Variants in ABCC6 observed in about 807,000 individuals in gnomAD.
ABCC6 encodes ATP-binding cassette sub-family C member 6.
In ABCC6, 126 loss-of-function variants were observed where a neutral mutation model predicts 169.5. That is an observed-to-expected ratio of 0.74 (90% CI 0.64 to 0.86). The LOEUF is 0.86. Ranked by LOEUF, ABCC6 falls within the 40% of genes least tolerant of loss-of-function variation. ABCC6 has a pLI of 0.00. For synonymous variants in ABCC6, 752 were observed against 814.7 expected, an observed-to-expected ratio of 0.92 and a Z score of 1.31; for missense variants, 1,733 against 1,927.2, an observed-to-expected ratio of 0.90 and a Z score of 1.89.
rs1447647728 is a variant in ABCC6 at position 16,169,820 on chromosome 16, C to T, written c.2821G>A (p.Ala941Thr). ...TAGAGGCAGAGGGGGGTGCCCACGG[C>T]ACGCAGGTAGGCCAGGTGCACTGTG... ...KATVHLAYLR[A>T]VGTPLCLYAL... is the part of the protein sequence containing the mutation. The change falls in exon 22 of 31, where the codon GCC becomes ACC. Residue 941 changes from alanine to threonine, a missense_variant. Around this residue, in one of 5 missense-constraint regions of ABCC6, gnomAD observed 1,601 missense variants for 1,635.5 expected, o/e 0.98. Transcript: ENST00000205557. 1.6e-5 allele frequency: 25 copies of T among 1,561,410 alleles called. No individual in the cohort carries two copies. Among genetic ancestry groups the T allele is most frequent in the Non-Finnish European group, 1.9e-5 (22 of 1,153,062 alleles).
chr16:16,205,585 G>A (rs2048369994), intron 7 of ABCC6, among the ~76,000 whole-genome samples: 1 of 152,064 alleles, frequency 6.6e-6, no homozygotes, highest in Admixed American at 6.6e-5. Context: ...GTGGCCTGCT[G>A]CTCACAAATA....
intron 29 of ABCC6, among the ~76,000 whole-genome samples, 171 bp from the exon 30 acceptor site, chr16:16,150,943 G>A (rs916049210): frequency 3.3e-5 from 5 of 152,230 alleles, no homozygotes; most frequent in African/African-American, 1.2e-4. Context: ...TAGGAAGCCT[G>A]TTCCTGCCAT....
chr16:16,159,362 TTGAG>T, intron 26 of ABCC6, 116 bp downstream of exon 26: 2 of 935,664 alleles, frequency 2.1e-6, no homozygotes, highest in Non-Finnish European at 3.3e-6. Flanking sequence ...GTGGTGGGGG[TTGAG>T]TGAGGGGAGA....
In ABCC6 at chr16:16,178,855, G is replaced by A. The variant is rs751097083; in HGVS notation, c.2358C>T (p.His786=). The change falls in exon 18 of 31, where the codon CAC becomes CAT. Residue 786 remains histidine (H), a synonymous_variant. Transcript: ENST00000205557. ...LDDPLAALDA[H]VGQHVFNQVI... is the part of the protein sequence containing the mutation. ...CCTGGTTGAAGACATGCTGGCCAAC[G>A]TGGGCATCCAGGGCCGCCAGGGGGT... 1.8e-5 allele frequency: 29 copies of A among 1,613,698 alleles called. No individual in the cohort carries two copies. The highest frequency in any genetic ancestry group is 1.8e-4 in the South Asian group (16 of 91,090).
intron 7 of ABCC6, among the ~76,000 whole-genome samples, chr16:16,205,600 G>T (rs2152286010): frequency 6.6e-6 from 1 of 152,066 alleles, no homozygotes; most frequent in African/African-American, 2.4e-5. Flanking sequence ...CAAATATTTT[G>T]GCATTTGGAT....
chr16:16,174,759 A>ACCG (rs200038324), intron 20 of ABCC6, among the ~76,000 whole-genome samples: 7 of 84,482 alleles, frequency 8.3e-5, no homozygotes, highest in African/African-American at 2.5e-4. Flanking sequence ...TCTGTCTCAA[A>ACCG]ACCCCCCCCC....
chr16:16,188,569 T>C (rs1364313518), intron 13 of ABCC6, among the ~76,000 whole-genome samples: 2 of 152,328 alleles, frequency 1.3e-5, no homozygotes, highest in South Asian at 2.1e-4. Context: ...GCTGGGCAGA[T>C]GGACAAGTAT....
chr16:16,178,147 G>A (rs1457102755), intron 18 of ABCC6, among the ~76,000 whole-genome samples: 3 of 151,958 alleles, frequency 2.0e-5, no homozygotes, highest in Non-Finnish European at 4.4e-5. Context: ...CCAACATGGT[G>A]AAACCCTTTC....
At chr16:16,180,427 C>G (rs994788923) in intron 17 of ABCC6, among the ~76,000 whole-genome samples, 1 of 152,170 alleles carries the variant, frequency 6.6e-6, no homozygotes, top group Non-Finnish European at 1.5e-5. Flanking sequence ...CCCTTGTGCA[C>G]TATTGATTAC....
chr16:16,200,305 T>C (rs904977669), intron 9 of ABCC6, among the ~76,000 whole-genome samples: 5 of 151,524 alleles, frequency 3.3e-5, no homozygotes, highest in African/African-American at 1.2e-4. Context: ...GGCGCACACC[T>C]GTAATCCCAG....
rs750375571 is a variant in ABCC6, at chr16:16,207,015, CT to C, written c.794+1712del. Among the ~76,000 whole-genome samples, 70 of 152,228 alleles carry C rather than the reference CT, an allele frequency of 4.6e-4. 1 individual carries two copies. Among genetic ancestry groups the C allele is most frequent in the Admixed American group, 2.0e-3 (30 of 15,280 alleles). On this transcript the variant is annotated intron_variant, in intron 7 of 30. Coordinates refer to ENST00000205557, the MANE Select transcript of ABCC6 (RefSeq NM_001171.6). ...ATCAGCTAGATGTGGTGGCACACGC[CT>C]GTGGTCCCAGCTACTCAGAAGGCTG... is the stretch of plus-strand genomic sequence containing the variant.
intron 26 of ABCC6, among the ~76,000 whole-genome samples, chr16:16,159,210 A>ATGCT (rs2046636897): frequency 6.6e-6 from 1 of 152,102 alleles, no homozygotes; most frequent in East Asian, 1.9e-4. Flanking sequence ...TGCTGTTGCA[A>ATGCT]TGCTGTTCCT....
At chr16:16,185,645 C>T (rs1324940777) in intron 14 of ABCC6, among the ~76,000 whole-genome samples, 1 of 152,040 alleles carries the variant, frequency 6.6e-6, no homozygotes, top group Non-Finnish European at 1.5e-5. Flanking sequence ...ATTAGCCAGG[C>T]GTGGTGGTGG....
chr16:16,185,155 TC>T, intron 14 of ABCC6, 121 bp from the exon 15 acceptor site: 1 of 927,226 alleles, frequency 1.1e-6, no homozygotes, highest in Non-Finnish European at 1.7e-6. Context: ...AAGAAATCTC[TC>T]CCACTGAACA....
chr16:16,159,551 G>C lies in ABCC6; in HGVS notation c.3666C>G (p.Asn1222Lys). The C allele has an allele frequency of 6.2e-7, 1 of 1,614,174 alleles. No homozygotes were observed. The highest frequency in any genetic ancestry group is 8.5e-7 in the Non-Finnish European group (1 of 1,180,020). The change falls in exon 26 of 31, where the codon AAC becomes AAG. Residue 1222 changes from asparagine to lysine, a missense_variant. This residue lies in a region of ABCC6 where 1,601 missense variants were observed against 1,635.5 expected (regional missense o/e 0.98). Coordinates refer to ENST00000205557, the MANE Select transcript of ABCC6 (RefSeq NM_001171.6). ...VTQTLQWVVR[N>K]WTDLENSIVS... is the part of the protein sequence containing the mutation. ...CGATGCTGTTCTCTAGGTCTGTCCA[G>C]TTGCGAACAACCCACTGCAGTGTCT...
At position 16,173,288 on chromosome 16, in the gene ABCC6, C is replaced by A; in HGVS notation, c.2783G>T (p.Gly928Val). Residue 928 changes from glycine to valine, a missense_variant, in exon 21 of 31, where the codon GGC becomes GTC. This residue lies in a region of ABCC6 where 1,601 missense variants were observed against 1,635.5 expected (regional missense o/e 0.98). Coordinates refer to ENST00000205557, the MANE Select transcript of ABCC6 (RefSeq NM_001171.6). The part of the protein sequence containing the change: ...WPAGKDSIQY[G>V]RVKATVHLAY... ...GTGGGTGAAGCTGGTGGTTACCCTG[C>A]CGTATTGGATGCTGTCCTTTCCTGC... The A allele has an allele frequency of 1.2e-6, 2 of 1,613,832 alleles. No individual in the cohort carries two copies. The highest frequency in any genetic ancestry group is 1.7e-6 in the Non-Finnish European group (2 of 1,179,998).
intron 22 of ABCC6, among the ~76,000 whole-genome samples, chr16:16,166,509 A>G (rs1338536587): frequency 6.6e-6 from 1 of 152,048 alleles, no homozygotes; most frequent in Non-Finnish European, 1.5e-5. Flanking sequence ...GGGTGTATCT[A>G]CAAGCCAAGG....
chr16:16,157,919 T>C, intron 26 of ABCC6, 110 bp from the exon 27 acceptor site: 1 of 1,231,754 alleles, frequency 8.1e-7, no homozygotes. Flanking sequence ...GACGTATTTA[T>C]TGCTGTTTTA....
Position 16,169,789 on chromosome 16 carries a change from A to G in ABCC6, c.2852T>C (p.Leu951Pro). 1 of 1,582,330 alleles carries G rather than the reference A, an allele frequency of 6.3e-7. No homozygotes were observed. The highest frequency in any genetic ancestry group is 2.3e-5 in the East Asian group (1 of 43,146). The part of the protein sequence containing the change: ...AVGTPLCLYA[L>P]FLFLCQQVAS... Reference sequence around the variant, plus strand: ...CACTTGCTGGCAGAGGAAGAGGAAGAGTGCGTAGAGGCAGAGGGGGGTGCC... The same window carrying G: ...CACTTGCTGGCAGAGGAAGAGGAAGGGTGCGTAGAGGCAGAGGGGGGTGCC... Residue 951 changes from leucine to proline, a missense_variant, in exon 22 of 31, where the codon CTC becomes CCC. Physicochemically the swap from Leu to Pro is moderately conservative, Grantham distance 98 (BLOSUM62 -3). Around this residue, in one of 5 missense-constraint regions of ABCC6, gnomAD observed 1,601 missense variants for 1,635.5 expected, o/e 0.98. Coordinates refer to ENST00000205557, the MANE Select transcript of ABCC6 (RefSeq NM_001171.6).
Sources: allele counts gnomAD v4.1 joint callset (sites outside exome capture counted in the v4.1 genomes callset), GRCh38; gene constraint gnomAD v4.1.1; regional missense constraint gnomAD v4.1.1; transcripts MANE v1.5; gene names NCBI Gene and HGNC (gene_info 2026-07-23, HGNC 2026-07-21).